Variants in SLC22A3 observed in about 807,000 individuals in gnomAD.
SLC22A3 encodes EMT organic cation transporter 3.
In SLC22A3, 51 loss-of-function variants were observed where a neutral mutation model predicts 59.1. The ratio of observed to expected loss-of-function variants is 0.86; its 90% CI spans 0.69 to 1.09. SLC22A3 has a LOEUF of 1.09. Ranked by LOEUF, SLC22A3 falls within the 50% of genes least tolerant of loss-of-function variation. The pLI is 0.00. For missense variants in SLC22A3, 711 were observed against 726.3 expected, an observed-to-expected ratio of 0.98 and a Z score of 0.24; for synonymous variants, 325 against 292.0, an observed-to-expected ratio of 1.11 and a Z score of -1.15.
intron 1 of SLC22A3, among the ~76,000 whole-genome samples, chr6:160,361,265 C>T (rs1192636978): frequency 6.6e-6 from 1 of 152,130 alleles, no homozygotes; most frequent in African/African-American, 2.4e-5. Context: ...GAATTGAAGA[C>T]TTAAATGTCA....
intron 1 of SLC22A3, among the ~76,000 whole-genome samples, chr6:160,370,775 T>G (rs1785371547): frequency 6.6e-6 from 1 of 152,222 alleles, no homozygotes; most frequent in African/African-American, 2.4e-5. Flanking sequence ...TAATAGATAG[T>G]AAAATGCTTT....
intron 1 of SLC22A3, among the ~76,000 whole-genome samples, chr6:160,350,308 A>G (rs372759782): frequency 6.6e-6 from 1 of 152,074 alleles, no homozygotes; most frequent in Non-Finnish European, 1.5e-5. Context: ...GAGTGGCTCT[A>G]TGCTGAGTGA....
chr6:160,398,072 G>A lies in SLC22A3; in HGVS notation c.523G>A (p.Ala175Thr). 6.2e-7 allele frequency: 1 copy of A among 1,613,016 alleles called. No homozygotes were observed. The change falls in exon 2 of 11, where the codon GCA becomes ACA. Residue 175 changes from alanine (A) to threonine (T), a missense_variant. Coordinates refer to ENST00000275300, the MANE Select transcript of SLC22A3 (RefSeq NM_021977.4). The part of the protein sequence containing the change: ...FLTGAFTLGY[A>T]ADRYGRIVIY... ...GACTGGAGCATTCACCTTAGGCTAT[G>A]CAGCAGACAGGTAGGTACCAATGTG...
rs987678056 is a variant in SLC22A3, at chr6:160,452,053, A to T, written c.*997A>T. The T allele has an allele frequency of 1.3e-5, 2 of 152,254 alleles. No homozygotes were observed. The highest frequency in any genetic ancestry group is 2.9e-5 in the Non-Finnish European group (2 of 68,044). The allele number at this position is 152,254 out of a possible 1,614,324, so 9.4% of individuals were successfully genotyped here. A position where few individuals can be genotyped will look rare whatever the true frequency, so the allele number is the denominator to read the frequency against. On this transcript the variant is annotated 3_prime_UTR_variant, in exon 11 of 11. Transcript: ENST00000275300. ...TTTAAAAGAAAGATCAATTATATCC[A>T]TGCTTAACAGGATCAGCAGGAGCTT...
At chr6:160,420,962 C>T (rs555453284) in intron 5 of SLC22A3, among the ~76,000 whole-genome samples, 1 of 152,324 alleles carries the variant, frequency 6.6e-6, no homozygotes, top group Non-Finnish European at 1.5e-5. Flanking sequence ...CGCACCCCTT[C>T]CTCCGCAGAG....
chr6:160,362,851 C>T (rs1357464430), intron 1 of SLC22A3, among the ~76,000 whole-genome samples: 3 of 152,290 alleles, frequency 2.0e-5, no homozygotes, highest in African/African-American at 7.2e-5. Context: ...TGCCGGCAGC[C>T]GCGCGCTCAG....
At chr6:160,426,837 T>C (rs9355287) in intron 5 of SLC22A3, among the ~76,000 whole-genome samples, 7,712 of 152,256 alleles carry the variant, frequency 0.051, 631 homozygotes, top group East Asian at 0.36. Context: ...AGCGGATCCC[T>C]TGGGTCCTGG....
intron 1 of SLC22A3, among the ~76,000 whole-genome samples, chr6:160,357,241 C>T (rs1364852667): frequency 1.3e-5 from 2 of 152,174 alleles, no homozygotes; most frequent in African/African-American, 4.8e-5. Flanking sequence ...TATAGGGCAC[C>T]AGCAGTGGAG....
chr6:160,441,090 G>T (rs1158816305), intron 7 of SLC22A3, among the ~76,000 whole-genome samples: 1 of 152,094 alleles, frequency 6.6e-6, no homozygotes, highest in Non-Finnish European at 1.5e-5. Context: ...TCTTGATTTA[G>T]TGAAAAGAAA....
At chr6:160,407,608 C>T (rs1370999938) in intron 3 of SLC22A3, among the ~76,000 whole-genome samples, 1 of 152,104 alleles carries the variant, frequency 6.6e-6, no homozygotes, top group African/African-American at 2.4e-5. Context: ...GTGTTGCCAA[C>T]TCTCCTCTTT....
At position 160,449,972 on chromosome 6, in the gene SLC22A3, A is replaced by AAAAACAAACATCACAAGGCAAAGGGC. The variant is rs1411206921; in HGVS notation, c.1611-1007_1611-1006insGCAAAGGGCAAAACAAACATCACAAG. ...GAACAAAGATCACAAGGCAAAGGGC[A>AAAAACAAACATCACAAGGCAAAGGGC]AAAACAAACATCACAAGACAAAGAG... On this transcript the variant is annotated intron_variant, in intron 10 of 10. Transcript: ENST00000275300. 3.3e-5 allele frequency among the ~76,000 whole-genome samples: 5 copies of AAAAACAAACATCACAAGGCAAAGGGC among 152,372 alleles called. No homozygotes were observed. The East Asian group carries it at 9.6e-4, about 29-fold the overall frequency.
At position 160,451,198 on chromosome 6, in the gene SLC22A3, A is replaced by G. The variant is rs1202102872; in HGVS notation, c.*142A>G. On this transcript the variant is annotated 3_prime_UTR_variant, in exon 11 of 11. Transcript: ENST00000275300. Reference sequence around the variant, plus strand: ...ACTGTATAAAGACCTCAATCTATCCAGAGTATTTTTATATAATGTTGGATG... The same window carrying G: ...ACTGTATAAAGACCTCAATCTATCCGGAGTATTTTTATATAATGTTGGATG... The G allele has an allele frequency of 6.8e-6, 5 of 732,458 alleles. No individual in the cohort carries two copies. The African/African-American group carries it at 8.9e-5, about 13-fold the overall frequency. The allele number at this position is 732,458 out of a possible 1,614,324, so 45.4% of individuals were successfully genotyped here.
chr6:160,443,038 T>C (rs1362880442), intron 8 of SLC22A3, among the ~76,000 whole-genome samples, 169 bp downstream of exon 8: 1 of 152,236 alleles, frequency 6.6e-6, no homozygotes, highest in African/African-American at 2.4e-5. Flanking sequence ...GCTTTCTGCA[T>C]TGCTGCCTGC....
chr6:160,397,265 G>A (rs537517161), intron 1 of SLC22A3, among the ~76,000 whole-genome samples: 44 of 152,118 alleles, frequency 2.9e-4, no homozygotes, highest in Non-Finnish European at 5.1e-4. Context: ...TAGGGTTCAC[G>A]CTCCTATGAG....
intron 1 of SLC22A3, among the ~76,000 whole-genome samples, chr6:160,362,331 A>G (rs1785041968): frequency 6.6e-6 from 1 of 152,258 alleles, no homozygotes; most frequent in African/African-American, 2.4e-5. Context: ...TCAGAATTTC[A>G]GGGATTGCTT....
chr6:160,423,734 T>C (rs1463118303), intron 5 of SLC22A3, among the ~76,000 whole-genome samples: 1 of 152,246 alleles, frequency 6.6e-6, no homozygotes, highest in Non-Finnish European at 1.5e-5. Flanking sequence ...CATTGTCAGA[T>C]GAGTAGATTG....
At chr6:160,420,966 C>G (rs145144599) in intron 5 of SLC22A3, among the ~76,000 whole-genome samples, 1 of 152,184 alleles carries the variant, frequency 6.6e-6, no homozygotes, top group South Asian at 2.1e-4. Context: ...CCCCTTCCTC[C>G]GCAGAGCCTC....
intron 5 of SLC22A3, 100 bp from the exon 6 acceptor site, chr6:160,436,680 C>G: frequency 1.3e-6 from 1 of 762,032 alleles, no homozygotes; most frequent in Non-Finnish European, 2.2e-6. Context: ...CCCCTAGTCA[C>G]TTCAGTAAGA....
rs1788994539 is a variant in SLC22A3, at chr6:160,452,206, ATATTT to A, written c.*1154_*1158del. 1.3e-5 allele frequency: 2 copies of A among 152,218 alleles called. No homozygotes were observed. 9.4% of individuals were successfully genotyped at this position (152,218 alleles called of 1,614,324 possible). A position where few individuals can be genotyped will look rare whatever the true frequency, so the allele number is the denominator to read the frequency against. ...TTCAATATCTTTTCAGATGCAGTCT[ATATTT>A]TATGCTGAGTTTTAAAAATGAAATA... is the stretch of plus-strand genomic sequence containing the variant. On this transcript the variant is annotated 3_prime_UTR_variant, in exon 11 of 11. Coordinates refer to ENST00000275300, the MANE Select transcript of SLC22A3 (RefSeq NM_021977.4).
Sources: gnomAD v4.1 joint callset for allele counts (sites outside exome capture counted in the v4.1 genomes callset) on GRCh38, gnomAD v4.1.1 for gene constraint, MANE v1.5 for transcripts, NCBI Gene and HGNC (gene_info 2026-07-23, HGNC 2026-07-21) for gene names.